Variants in FANK1 observed in about 807,000 individuals in gnomAD.
FANK1 encodes the protein fibronectin type 3 and ankyrin repeat domains protein 1.
A neutral mutation model predicts 45.3 loss-of-function variants in FANK1; 44 were observed. The observed-to-expected ratio is 0.97, with a 90% CI of 0.76 to 1.25. The LOEUF (loss-of-function observed/expected upper bound fraction) is 1.25, where lower values mean the gene tolerates loss of function less well. FANK1 is among the 50% of genes most tolerant of loss of function. FANK1 has a pLI of 0.00. For synonymous variants in FANK1, 149 were observed against 152.5 expected, an observed-to-expected ratio of 0.98 and a Z score of 0.17; for missense variants, 391 against 424.4, an observed-to-expected ratio of 0.92 and a Z score of 0.69.
chr10:125,915,554 C>T (rs368457451), intron 1 of FANK1, among the ~76,000 whole-genome samples: 10 of 152,368 alleles, frequency 6.6e-5, no homozygotes, highest in African/African-American at 1.7e-4. Flanking sequence ...CGGTGGCTCA[C>T]GCCTGTTATC....
intron 1 of FANK1, among the ~76,000 whole-genome samples, chr10:125,922,973 G>A (rs1164965145): frequency 6.6e-6 from 1 of 151,906 alleles, no homozygotes; most frequent in Non-Finnish European, 1.5e-5. Flanking sequence ...CTCAGTTTGT[G>A]TTAGTGGCAG....
intron 1 of FANK1, among the ~76,000 whole-genome samples, chr10:125,898,975 C>G (rs1322631037): frequency 1.3e-5 from 2 of 150,338 alleles, no homozygotes; most frequent in Non-Finnish European, 3.0e-5. Flanking sequence ...GCTCAGTACA[C>G]CCTCGAACTC....
intron 1 of FANK1, among the ~76,000 whole-genome samples, chr10:125,939,277 A>G (rs116303790): frequency 0.024 from 3,612 of 152,332 alleles, 158 homozygotes; most frequent in African/African-American, 0.082. Context: ...AGAGAAAAAA[A>G]GAAACCTAGC....
intron 1 of FANK1, among the ~76,000 whole-genome samples, chr10:125,954,927 A>G (rs1210449042): frequency 6.6e-6 from 1 of 152,112 alleles, no homozygotes; most frequent in Non-Finnish European, 1.5e-5. Context: ...TCAAAAAAAT[A>G]AATTAAAAAA....
chr10:125,921,273 C>G (rs1946926930), intron 1 of FANK1, among the ~76,000 whole-genome samples: 1 of 145,496 alleles, frequency 6.9e-6, no homozygotes, highest in Admixed American at 6.9e-5. Flanking sequence ...TCTAGCATTG[C>G]TTTTTTTTCA....
chr10:126,000,923 T>C lies in FANK1; in HGVS notation c.539+3438T>C, dbSNP rs535613492. ...TCAATATAAGCAATTCATATAAAGA[T>C]GTTTAGCATTACTAGTAATAACAAT... is the stretch of plus-strand genomic sequence containing the variant. On this transcript the variant is annotated intron_variant, in intron 6 of 10. Transcript: ENST00000368693. Among the ~76,000 whole-genome samples the C allele has an allele frequency of 4.6e-5, 7 of 152,232 alleles. 1 individual carries two copies. The South Asian group carries it at 1.5e-3, about 32-fold the overall frequency.
chr10:125,899,824 G>A (rs1298064358), intron 1 of FANK1, among the ~76,000 whole-genome samples: 1 of 152,120 alleles, frequency 6.6e-6, no homozygotes, highest in Non-Finnish European at 1.5e-5. Flanking sequence ...TTACTGAGAG[G>A]TCTAAAATAA....
At chr10:125,951,607 T>C (rs1201326827) in intron 1 of FANK1, among the ~76,000 whole-genome samples, 1 of 152,200 alleles carries the variant, frequency 6.6e-6, no homozygotes, top group African/African-American at 2.4e-5. Context: ...TCTTCTGTTA[T>C]TACCAACATT....
intron 5 of FANK1, 70 bp downstream of exon 5, chr10:125,996,694 A>G: frequency 6.7e-7 from 1 of 1,488,190 alleles, no homozygotes; most frequent in Non-Finnish European, 9.2e-7. Flanking sequence ...GGCTCTGGTC[A>G]GGATAAGGAT....
At chr10:126,007,418 T>A (rs547811511) in intron 7 of FANK1, among the ~76,000 whole-genome samples, 3 of 152,354 alleles carry the variant, frequency 2.0e-5, no homozygotes, top group African/African-American at 7.2e-5. Flanking sequence ...GCTTATTTTA[T>A]TATTCTTTAA....
intron 3 of FANK1, among the ~76,000 whole-genome samples, chr10:125,991,353 A>G (rs1011243241): frequency 6.6e-6 from 1 of 151,464 alleles, no homozygotes; most frequent in South Asian, 2.1e-4. Flanking sequence ...AGCCTTCTCA[A>G]CCTCAGGGGG....
At chr10:125,945,565 C>T (rs938759758) in intron 1 of FANK1, among the ~76,000 whole-genome samples, 40 of 152,210 alleles carry the variant, frequency 2.6e-4, no homozygotes, top group Non-Finnish European at 3.1e-4. Context: ...CGGCGAACCA[C>T]GAGATTATAT....
intron 1 of FANK1, among the ~76,000 whole-genome samples, chr10:125,930,064 C>CT (rs1450835298): frequency 1.3e-5 from 2 of 151,868 alleles, no homozygotes; most frequent in Non-Finnish European, 2.9e-5. Flanking sequence ...ACCATCTTTT[C>CT]TTTTTTTTGT....
rs74162871 is a variant in FANK1 at position 125,896,610 on chromosome 10, G to A, written c.-33G>A. 3 of 1,271,626 alleles carry A rather than the reference G, an allele frequency of 2.4e-6. No homozygotes were observed. Among genetic ancestry groups the A allele is most frequent in the Non-Finnish European group, 2.0e-6 (2 of 1,006,734 alleles). 78.8% of individuals were successfully genotyped at this position (1,271,626 alleles called of 1,614,324 possible). A position where few individuals can be genotyped will look rare whatever the true frequency, so the allele number is the denominator to read the frequency against. ...GGCTGAGAGGCGTTAGGAGTCCGGG[G>A]GTTCGCCCGCGGAGGCCGGGGAGCA... is the stretch of plus-strand genomic sequence containing the variant. On this transcript the variant is annotated 5_prime_UTR_variant, in exon 1 of 11. Transcript: ENST00000368693.
intron 1 of FANK1, among the ~76,000 whole-genome samples, chr10:125,959,735 A>G (rs1949802836): frequency 6.6e-6 from 1 of 152,190 alleles, no homozygotes. Flanking sequence ...AGCAGAACAC[A>G]TTTTGTAGAA....
intron 1 of FANK1, among the ~76,000 whole-genome samples, chr10:125,961,809 T>C (rs1247080536): frequency 6.6e-6 from 1 of 152,160 alleles, no homozygotes; most frequent in Non-Finnish European, 1.5e-5. Flanking sequence ...CCAGATGTGA[T>C]GGTATGTACC....
At chr10:125,953,012 C>A (rs1949352296) in intron 1 of FANK1, among the ~76,000 whole-genome samples, 1 of 152,084 alleles carries the variant, frequency 6.6e-6, no homozygotes, top group South Asian at 2.1e-4. Context: ...TACTGGTCAG[C>A]CTCTGTTTCT....
At chr10:125,961,230 C>A (rs909721611) in intron 1 of FANK1, among the ~76,000 whole-genome samples, 1 of 152,184 alleles carries the variant, frequency 6.6e-6, no homozygotes, top group South Asian at 2.1e-4. Context: ...CTTCAGCCTC[C>A]TGAGTAGCAG....
At chr10:125,971,830 G>C (rs555107828) in intron 1 of FANK1, among the ~76,000 whole-genome samples, 2 of 152,082 alleles carry the variant, frequency 1.3e-5, no homozygotes, top group Non-Finnish European at 2.9e-5. Flanking sequence ...CACCATGTTA[G>C]CCAGGATGGT....
Sources: gnomAD v4.1 joint callset for allele counts (sites outside exome capture counted in the v4.1 genomes callset) on GRCh38, gnomAD v4.1.1 for gene constraint, MANE v1.5 for transcripts, NCBI Gene and HGNC (gene_info 2026-07-23, HGNC 2026-07-21) for gene names.